The following TTN variants were observed in gnomAD, a reference collection of about 807,000 sequenced individuals.
The protein encoded by TTN is titin, also known as connectin.
In TTN, 1,525 loss-of-function variants were observed where a neutral mutation model predicts 3,223.0. The observed-to-expected ratio is 0.47, with a 90% CI of 0.45 to 0.49. The LOEUF is 0.49. TTN is among the 20% of genes least tolerant of loss of function. The pLI is 0.00. For synonymous variants in TTN, 14,094 were observed against 15,161.0 expected, an observed-to-expected ratio of 0.93 and a Z score of 5.17; for missense variants, 40,786 against 43,424.0, an observed-to-expected ratio of 0.94 and a Z score of 5.40.
rs866225560 is a variant in TTN at position 178,642,387 on chromosome 2, C to T, written c.40478-70G>A. 35 of 1,398,760 alleles carry T rather than the reference C, an allele frequency of 2.5e-5. 1 individual carries two copies. The Middle Eastern group carries it at 7.0e-4, about 28-fold the overall frequency. 86.6% of individuals were successfully genotyped at this position (1,398,760 alleles called of 1,614,324 possible). A position where few individuals can be genotyped will look rare whatever the true frequency, so the allele number is the denominator to read the frequency against. ...AACGGAATTTCAACAAGAAAAATGTCTCTCCTAAAACTAGTTAACTGTAGT... is the reference window on the plus strand; with the variant it reads ...AACGGAATTTCAACAAGAAAAATGTTTCTCCTAAAACTAGTTAACTGTAGT... On this transcript the variant is annotated intron_variant, in intron 218 of 362. Coordinates refer to ENST00000589042, the MANE Select transcript of TTN (RefSeq NM_001267550.2).
Position 178,532,468 on chromosome 2 carries a change from T to C in TTN, c.104147A>G (p.His34716Arg). The change falls in exon 358 of 363, where the codon CAT (histidine) becomes CGT (arginine). Residue 34716 changes from histidine to arginine, a missense_variant. Coordinates refer to ENST00000589042, the MANE Select transcript of TTN (RefSeq NM_001267550.2). ...TTTTCTTGTTTCCTCCACCTTGACATGAGCTTGTGGTGAAGAGTAACGTAG... is the reference window on the plus strand; with the variant it reads ...TTTTCTTGTTTCCTCCACCTTGACACGAGCTTGTGGTGAAGAGTAACGTAG... Reference protein sequence around the residue: ...SSLRYSSPQAHVKVEETRKDF... With the variant: ...SSLRYSSPQARVKVEETRKDF... The C allele has an allele frequency of 3.1e-6, 5 of 1,613,730 alleles. No homozygotes were observed. The highest frequency in any genetic ancestry group is 3.4e-6 in the Non-Finnish European group (4 of 1,179,606).
intron 273 of TTN, 80 bp downstream of exon 273, chr2:178,609,128 T>TAGAGAAG (rs2055672481): frequency 7.1e-7 from 1 of 1,413,834 alleles, no homozygotes; most frequent in Non-Finnish European, 9.2e-7. Context: ...TCCCATTTCT[T>TAGAGAAG]TTAACTCTCT....
Position 178,779,260 on chromosome 2 carries a change from T to C in TTN, c.3932A>G (p.His1311Arg). ...RILEGMGVTF[H>R]CKMSGYPLPK... ...TAATGGATATCCAGACATCTTGCAA[T>C]GAAAAGTGACACCCATCCCCTCAAG... The change falls in exon 23 of 363, where the codon CAT (histidine) becomes CGT (arginine). Residue 1311 changes from histidine to arginine, a missense_variant. Transcript: ENST00000589042. 1.2e-6 allele frequency: 2 copies of C among 1,613,878 alleles called. No individual in the cohort carries two copies. Among genetic ancestry groups the C allele is most frequent in the South Asian group, 2.2e-5 (2 of 91,080 alleles).
In TTN at chr2:178,546,583, T is replaced by C. The variant is rs1057523850; in HGVS notation, c.94828+17A>G. ...ATTGAGATAATTTTAAAAAGGAGAA[T>C]GTTGACTATTTCCTACCGTATTCAT... On this transcript the variant is annotated intron_variant, in intron 341 of 362. Transcript: ENST00000589042. 1.1e-5 allele frequency: 18 copies of C among 1,599,340 alleles called. No homozygotes were observed. Among genetic ancestry groups the C allele is most frequent in the Non-Finnish European group, 1.5e-5 (17 of 1,169,970 alleles).
In TTN at chr2:178,653,497, G is replaced by C; in HGVS notation, c.38637C>G (p.Val12879=). ...TCTTTTCTGGCACAATTTCTTGTGG[G>C]ACTTCAGGCACTTGAAAGATATTAG... ...PEAPPATVPE[V]PQEIVPEKKT... is the part of the protein sequence containing the mutation. The change falls in exon 197 of 363, where the codon GTC becomes GTG. Residue 12879 remains valine, a synonymous_variant. Transcript: ENST00000589042. 6.6e-7 allele frequency: 1 copy of C among 1,524,598 alleles called. No homozygotes were observed. The highest frequency in any genetic ancestry group is 8.8e-7 in the Non-Finnish European group (1 of 1,140,170). 94.4% of individuals were successfully genotyped at this position (1,524,598 alleles called of 1,614,324 possible).
Position 178,696,106 on chromosome 2 carries a change from G to A in TTN, c.30966C>T (p.Asp10322=), listed in dbSNP as rs587780979. 1.2e-5 allele frequency: 18 copies of A among 1,551,230 alleles called. No individual in the cohort carries two copies. The highest frequency in any genetic ancestry group is 4.9e-5 in the East Asian group (2 of 40,922). Residue 10322 remains aspartate (D), a synonymous_variant, in exon 114 of 363, where the codon GAC becomes GAT. Transcript: ENST00000589042. ...CTGTGTATGGTTCTACCTCCAGTTC[G>A]TCATAAGGTTCTTCGAAAGATTCAA... is the stretch of plus-strand genomic sequence containing the variant. ...VFIESFEEPY[D]ELEVEPYTEP... is the part of the protein sequence containing the mutation.
chr2:178,591,719 C>CT lies in TTN; in HGVS notation c.60099dup (p.Glu20034ArgfsTer14), dbSNP rs2050247265. 6.2e-7 allele frequency: 1 copy of CT among 1,613,356 alleles called. No individual in the cohort carries two copies. Among genetic ancestry groups the CT allele is most frequent in the Non-Finnish European group, 8.5e-7 (1 of 1,179,530 alleles). ...TGTTGTAGTCCAGTAACCACACACT[C>CT]TAAGTTTGTCACAGTCTTAAATTTA... On this transcript the variant is annotated frameshift_variant, in exon 303 of 363. Transcript: ENST00000589042. LOFTEE classifies it high-confidence loss of function.
At chr2:178,664,354 G>T (rs2065468438) in intron 168 of TTN, 106 bp downstream of exon 168, 1 of 919,214 alleles carries the variant, frequency 1.1e-6, no homozygotes, top group Non-Finnish European at 1.7e-6. Flanking sequence ...AGTCAACACA[G>T]ACATGATTCA....
intron 37 of TTN, 66 bp from the exon 38 acceptor site, chr2:178,768,999 G>A: frequency 6.3e-7 from 1 of 1,581,060 alleles, no homozygotes; most frequent in South Asian, 1.1e-5. Context: ...GTTATAACAG[G>A]TGCAGAATAA....
At position 178,559,405 on chromosome 2, in the gene TTN, T is replaced by A; in HGVS notation, c.86727A>T (p.Leu28909Phe). 1 of 1,613,774 alleles carries A rather than the reference T, an allele frequency of 6.2e-7. No individual in the cohort carries two copies. The change falls in exon 326 of 363, where the codon TTA becomes TTT. Residue 28909 changes from leucine (L) to phenylalanine (F), a missense_variant. By Grantham distance (22) the Leu-to-Phe change is conservative (BLOSUM62 0). Transcript: ENST00000589042. ...CNRLSYKVTN[L>F]QEGAIYYFRV... Reference sequence around the variant, plus strand: ...TGAAGTAATAGATAGCTCCTTCTTGTAAATTGGTAACTTTGTAGGAGAGGC... The same window carrying A: ...TGAAGTAATAGATAGCTCCTTCTTGAAAATTGGTAACTTTGTAGGAGAGGC...
chr2:178,757,560 G>A lies in TTN; in HGVS notation c.10660C>T (p.Leu3554Phe), dbSNP rs1467211206. ...SAGEATCAAT[L>F]TVTPKVQALD... ...GCTTTACCTTTTGGAGTCACTGTGA[G>A]TGTAGCTGCACAAGTGGCTTCCCCA... The change falls in exon 45 of 363, where the codon CTC becomes TTC. Residue 3554 changes from leucine (L) to phenylalanine (F), a missense_variant. Coordinates refer to ENST00000589042, the MANE Select transcript of TTN (RefSeq NM_001267550.2). 2 of 1,585,240 alleles carry A rather than the reference G, an allele frequency of 1.3e-6. No homozygotes were observed. Among genetic ancestry groups the A allele is most frequent in the Non-Finnish European group, 1.7e-6 (2 of 1,163,112 alleles).
chr2:178,586,782 T>C lies in TTN; in HGVS notation c.64119A>G (p.Leu21373=), dbSNP rs753245626. Reference sequence around the variant, plus strand: ...TGTTCTTGGTCATTTCAGTCACTTCTAATTTCCTTGGGGGATCCGGCTCAC... The same window carrying C: ...TGTTCTTGGTCATTTCAGTCACTTCCAATTTCCTTGGGGGATCCGGCTCAC... ...PLSEPDPPRK[L]EVTEMTKNSA... is the part of the protein sequence containing the mutation. Residue 21373 remains leucine (L), a synonymous_variant, in exon 308 of 363, where the codon TTA becomes TTG. Transcript: ENST00000589042. 6.2e-7 allele frequency: 1 copy of C among 1,612,790 alleles called. No homozygotes were observed. Among genetic ancestry groups the C allele is most frequent in the South Asian group, 1.1e-5 (1 of 90,944 alleles).
In TTN at chr2:178,675,924, T is replaced by C. The variant is rs1264123003; in HGVS notation, c.34450A>G (p.Lys11484Glu). The C allele has an allele frequency of 2.5e-6, 4 of 1,607,366 alleles. No individual in the cohort carries two copies. Among genetic ancestry groups the C allele is most frequent in the Admixed American group, 1.7e-5 (1 of 59,184 alleles). The change falls in exon 148 of 363, where the codon AAA becomes GAA. Residue 11484 changes from lysine to glutamate, a missense_variant. Transcript: ENST00000589042. ...ATTTACTTCGGAATAGCAATACCTT[T>C]GGCAGGGGGAGCCTCCTCTTTCTTG... ...IPKKEEAPPAKVSVVPKKPEP... is the reference protein window; with the variant it reads ...IPKKEEAPPAEVSVVPKKPEP...
chr2:178,557,029 AC>A lies in TTN; in HGVS notation c.88124del (p.Arg29375LeufsTer26). On this transcript the variant is annotated frameshift_variant, in exon 330 of 363. Coordinates refer to ENST00000589042, the MANE Select transcript of TTN (RefSeq NM_001267550.2). LOFTEE classifies it high-confidence loss of function. The part of the protein sequence containing the change: ...SKITGYIVER[R>X]DLPDGRWTKA... ...TGGTCCATCTGCCATCTGGAAGGTC[AC>A]GTCTCTCAACAATGTAGCCTGTAAT... 1.2e-6 allele frequency: 2 copies of A among 1,613,822 alleles called. No individual in the cohort carries two copies. Among genetic ancestry groups the A allele is most frequent in the South Asian group, 2.2e-5 (2 of 91,078 alleles).
chr2:178,796,452 T>C (rs1166027662), intron 6 of TTN, among the ~76,000 whole-genome samples: 2 of 152,230 alleles, frequency 1.3e-5, no homozygotes, highest in African/African-American at 4.8e-5. Flanking sequence ...CATTACAACA[T>C]TAACCAGTTT....
In TTN at chr2:178,794,517, G is replaced by A. The variant is rs759339096; in HGVS notation, c.1280C>T (p.Ala427Val). The stretch of plus-strand genomic sequence containing the variant: ...CATATCAACGGCAGCAACAACAGTC[G>A]CAACAGCTGCACTTTTGTCAGCATC... ...KQDADKSAAV[A>V]TVVAAVDMAR... The change falls in exon 8 of 363, where the codon GCG becomes GTG. Residue 427 changes from alanine (A) to valine (V), a missense_variant. Physicochemically the swap from Ala to Val is moderately conservative, Grantham distance 64. Coordinates refer to ENST00000589042, the MANE Select transcript of TTN (RefSeq NM_001267550.2). 48 of 1,614,150 alleles carry A rather than the reference G, an allele frequency of 3.0e-5. 1 individual carries two copies. In the Admixed American group the frequency reaches 5.3e-4, roughly 18 times the overall value.
intron 129 of TTN, 118 bp from the exon 130 acceptor site, chr2:178,685,107 T>C (rs1183225117): frequency 3.6e-5 from 41 of 1,139,066 alleles, no homozygotes; most frequent in Non-Finnish European, 4.8e-5. Flanking sequence ...TTAATGACTA[T>C]ACTCAGTAAA....
chr2:178,585,167 A>G lies in TTN; in HGVS notation c.64577T>C (p.Ile21526Thr), dbSNP rs776476433. The G allele has an allele frequency of 3.1e-6, 5 of 1,613,348 alleles. No homozygotes were observed. The Admixed American group carries it at 5.0e-5, about 16-fold the overall frequency. Residue 21526 changes from isoleucine (I) to threonine (T), a missense_variant, in exon 309 of 363, where the codon ATA (isoleucine) becomes ACA (threonine). Physicochemically the swap from Ile to Thr is moderately conservative, Grantham distance 89. Coordinates refer to ENST00000589042, the MANE Select transcript of TTN (RefSeq NM_001267550.2). ...HKADSSSILI[I>T]KDVTRKDSGY... ...ACTGTCTTTCCTAGTCACATCTTTT[A>G]TGATCAGAATTGAAGAGCTGTCTGC...
In TTN at chr2:178,694,325, A is replaced by T. The variant is rs542043672; in HGVS notation, c.31426+274T>A. Among the ~76,000 whole-genome samples the T allele has an allele frequency of 3.5e-3, 532 of 152,300 alleles. 6 individuals carry two copies. Among genetic ancestry groups the T allele is most frequent in the African/African-American group, 0.012 (515 of 41,576 alleles). ...GACAGGGAATATTATATGCAATGGA[A>T]TGCATTGCATAGTGAAGTTAGCAAA... On this transcript the variant is annotated intron_variant, in intron 117 of 362. Transcript: ENST00000589042.
Sources: allele counts gnomAD v4.1 joint callset (sites outside exome capture counted in the v4.1 genomes callset), GRCh38; gene constraint gnomAD v4.1.1; transcripts MANE v1.5; gene names NCBI Gene and HGNC (gene_info 2026-07-23, HGNC 2026-07-21).